The following ADCY1 variants were observed in gnomAD, a reference collection of about 807,000 sequenced individuals.
The protein encoded by ADCY1 is adenylate cyclase type 1.
ADCY1 carries 28 observed loss-of-function variants against 105.4 expected under a neutral mutation model. The ratio of observed to expected loss-of-function variants is 0.27; its 90% CI spans 0.20 to 0.36. The LOEUF is 0.36. Ranked by LOEUF, ADCY1 falls within the 10% of genes least tolerant of loss-of-function variation. The pLI is 1.00. For synonymous variants in ADCY1, 655 were observed against 623.8 expected (o/e 1.05, Z -0.75); for missense variants, 977 against 1,434.2 (o/e 0.68, Z 5.15).
chr7:45,690,487 T>C (rs1191848460), intron 14 of ADCY1, among the ~76,000 whole-genome samples: 1 of 152,216 alleles, frequency 6.6e-6, no homozygotes, highest in Admixed American at 6.5e-5. Flanking sequence ...GAACTGGGAA[T>C]GCTCTCCTCC....
chr7:45,655,166 G>C (rs964673664), intron 5 of ADCY1, among the ~76,000 whole-genome samples: 1 of 152,196 alleles, frequency 6.6e-6, no homozygotes, highest in Non-Finnish European at 1.5e-5. Flanking sequence ...ATGCTTACCT[G>C]TCCTTTCACT....
intron 4 of ADCY1, among the ~76,000 whole-genome samples, chr7:45,637,763 G>A (rs781313136): frequency 1.3e-5 from 2 of 152,190 alleles, no homozygotes; most frequent in Non-Finnish European, 2.9e-5. Context: ...AACATTTCTT[G>A]TAGTGCTGGT....
At chr7:45,610,886 G>A (rs1371710302) in intron 3 of ADCY1, among the ~76,000 whole-genome samples, 1 of 149,016 alleles carries the variant, frequency 6.7e-6, no homozygotes, top group African/African-American at 2.5e-5. Flanking sequence ...GTGGGAAGGT[G>A]ATGGTGGAGG....
At chr7:45,677,775 C>A in intron 8 of ADCY1, 94 bp from the exon 9 acceptor site, 1 of 1,373,484 alleles carries the variant, frequency 7.3e-7, no homozygotes, top group Non-Finnish European at 1.0e-6. Context: ...CCGACCCCAC[C>A]CTGCAGCGGA....
At chr7:45,611,845 C>G (rs1383789358) in intron 3 of ADCY1, among the ~76,000 whole-genome samples, 1 of 151,990 alleles carries the variant, frequency 6.6e-6, no homozygotes. Flanking sequence ...CTGTTTTTTG[C>G]TGGTTCTTCT....
chr7:45,713,204 G>A (rs1785297534), intron 19 of ADCY1, among the ~76,000 whole-genome samples: 1 of 152,194 alleles, frequency 6.6e-6, no homozygotes, highest in African/African-American at 2.4e-5. Flanking sequence ...TGAACCCAGA[G>A]AGTCTACCCT....
At chr7:45,687,710 G>A (rs1391294246) in intron 14 of ADCY1, among the ~76,000 whole-genome samples, 3 of 152,240 alleles carry the variant, frequency 2.0e-5, no homozygotes, top group African/African-American at 7.2e-5. Flanking sequence ...CTGCCTAGGA[G>A]CTGGGATTAC....
chr7:45,630,651 C>T (rs1794219656), intron 4 of ADCY1, among the ~76,000 whole-genome samples: 1 of 151,880 alleles, frequency 6.6e-6, no homozygotes, highest in Non-Finnish European at 1.5e-5. Context: ...TGCCTTTTCC[C>T]CCTCCCTCCC....
chr7:45,664,311 G>A, intron 8 of ADCY1: 1 of 1,536,218 alleles, frequency 6.5e-7, no homozygotes, highest in Non-Finnish European at 8.7e-7. Context: ...CCCTCACTGA[G>A]TGGCCTGGAT....
At chr7:45,660,321 TC>T in intron 7 of ADCY1, 138 bp downstream of exon 7, 1 of 1,253,948 alleles carries the variant, frequency 8.0e-7, no homozygotes, top group Non-Finnish European at 1.1e-6. Context: ...GGGAGAGTTG[TC>T]CCCACTGACA....
Position 45,576,028 on chromosome 7 carries a change from G to A in ADCY1, c.639+846G>A, listed in dbSNP as rs7804852. ...CCCTTGTGCCCATCTCCAACGGGCCGCAGGGATGGGGCTGGGGAGTTGGGG... is the reference window on the plus strand; with the variant it reads ...CCCTTGTGCCCATCTCCAACGGGCCACAGGGATGGGGCTGGGGAGTTGGGG... On this transcript the variant is annotated intron_variant, in intron 1 of 19. Transcript: ENST00000297323. Among the ~76,000 whole-genome samples the A allele has an allele frequency of 6.3e-3, 914 of 144,252 alleles. 9 individuals carry two copies. Among genetic ancestry groups the A allele is most frequent in the African/African-American group, 0.022 (866 of 38,670 alleles). 94.6% of individuals were successfully genotyped at this position (144,252 alleles called of 152,430 possible). A position where few individuals can be genotyped will look rare whatever the true frequency, so the allele number is the denominator to read the frequency against.
At chr7:45,663,417 T>C (rs1795182732) in intron 8 of ADCY1, among the ~76,000 whole-genome samples, 1 of 152,338 alleles carries the variant, frequency 6.6e-6, no homozygotes, top group South Asian at 2.1e-4. Context: ...TCAGGGTCCC[T>C]GTTCCCCAGC....
Position 45,575,304 on chromosome 7 carries a change from G to C in ADCY1, c.639+122G>C. ...GGGTGGGGACACTGAGGCTCCGAGT[G>C]GGGGTGTGTTCAAGGTCACTCCTAC... On this transcript the variant is annotated intron_variant, in intron 1 of 19. Transcript: ENST00000297323. The surrounding 1 kb of genome is among the most constrained non-coding windows in gnomAD (Gnocchi z 4.7). 2 of 1,279,522 alleles carry C rather than the reference G, an allele frequency of 1.6e-6. No homozygotes were observed. Among genetic ancestry groups the C allele is most frequent in the South Asian group, 1.5e-5 (1 of 65,042 alleles). 79.3% of individuals were successfully genotyped at this position (1,279,522 alleles called of 1,614,324 possible).
intron 4 of ADCY1, among the ~76,000 whole-genome samples, chr7:45,642,597 TTTGTTGTTG>T (rs961094259): frequency 6.6e-6 from 1 of 152,070 alleles, no homozygotes; most frequent in Non-Finnish European, 1.5e-5. Flanking sequence ...TGGATCTGCT[TTTGTTGTTG>T]TTGTTGTTGT....
chr7:45,575,695 G>C lies in ADCY1; in HGVS notation c.639+513G>C, dbSNP rs946826905. 2.6e-5 allele frequency among the ~76,000 whole-genome samples: 4 copies of C among 152,260 alleles called. No homozygotes were observed. The highest frequency in any genetic ancestry group is 1.3e-4 in the Admixed American group (2 of 15,288). ...TATATGGGTGGTGGGAAAGGACTTC[G>C]GCTCTTCCAGCCTTGCTGGCCACCC... On this transcript the variant is annotated intron_variant, in intron 1 of 19. Coordinates refer to ENST00000297323, the MANE Select transcript of ADCY1 (RefSeq NM_021116.4). This position sits in a 1 kb window ranked among gnomAD's most constrained non-coding sequence, Gnocchi z 4.7.
At chr7:45,627,752 T>C (rs1274540417) in intron 4 of ADCY1, among the ~76,000 whole-genome samples, 1 of 152,096 alleles carries the variant, frequency 6.6e-6, no homozygotes, top group East Asian at 1.9e-4. Flanking sequence ...TGGCTTTGGG[T>C]TTCCTTAGGG....
chr7:45,636,837 A>C (rs1794409494), intron 4 of ADCY1, among the ~76,000 whole-genome samples: 1 of 152,182 alleles, frequency 6.6e-6, no homozygotes, highest in South Asian at 2.1e-4. Context: ...CTCCATACCC[A>C]GCCTGTTTGT....
intron 8 of ADCY1, among the ~76,000 whole-genome samples, chr7:45,670,318 G>A (rs1241891842): frequency 6.6e-6 from 1 of 152,212 alleles, no homozygotes; most frequent in Non-Finnish European, 1.5e-5. Flanking sequence ...GTGGATGCCC[G>A]TCACAGCCCA....
chr7:45,709,089 T>C (rs1785177045), intron 18 of ADCY1, among the ~76,000 whole-genome samples: 1 of 152,160 alleles, frequency 6.6e-6, no homozygotes, highest in Non-Finnish European at 1.5e-5. Flanking sequence ...AATTCAAACA[T>C]CCAGTAGCCT....
Sources: gnomAD v4.1 joint callset for allele counts (sites outside exome capture counted in the v4.1 genomes callset) on GRCh38, gnomAD v4.1.1 for gene constraint, Gnocchi (gnomAD v3.1) non-coding constraint, MANE v1.5 for transcripts, NCBI Gene and HGNC (gene_info 2026-07-23, HGNC 2026-07-21) for gene names.